The following ACACA variants were observed in gnomAD, a reference collection of about 807,000 sequenced individuals.
ACACA encodes acetyl-CoA carboxylase 1.
In ACACA, 103 loss-of-function variants were observed where a neutral mutation model predicts 296.1. That is an observed-to-expected ratio of 0.35 (90% CI 0.30 to 0.41). ACACA has a LOEUF of 0.41. Ranked by LOEUF, ACACA falls within the 10% of genes least tolerant of loss-of-function variation. The pLI is 1.00. For synonymous variants in ACACA, 953 were observed against 1,038.6 expected, an observed-to-expected ratio of 0.92 and a Z score of 1.58; for missense variants, 1,554 against 2,989.7, an observed-to-expected ratio of 0.52 and a Z score of 11.20.
chr17:37,145,043 T>G (rs572533963), intron 45 of ACACA, among the ~76,000 whole-genome samples: 4 of 152,172 alleles, frequency 2.6e-5, no homozygotes, highest in Non-Finnish European at 5.9e-5. Context: ...TAGGCTCCAG[T>G]ACACATCAGT....
At chr17:37,275,495 C>CA (rs34064045) in intron 8 of ACACA, among the ~76,000 whole-genome samples, 22,689 of 60,996 alleles carry the variant, frequency 0.37, 3,432 homozygotes, top group African/African-American at 0.45. Flanking sequence ...GACTCCAACT[C>CA]AAAAAAAAAA....
chr17:37,344,118 AT>A (rs2048508990), intron 1 of ACACA, among the ~76,000 whole-genome samples: 1 of 151,738 alleles, frequency 6.6e-6, no homozygotes, highest in East Asian at 1.9e-4. Flanking sequence ...AAATTTAAAA[AT>A]TTTTTTAAAA....
intron 18 of ACACA, among the ~76,000 whole-genome samples, chr17:37,247,619 G>A (rs1460828905): frequency 1.3e-5 from 2 of 152,014 alleles, no homozygotes; most frequent in Non-Finnish European, 2.9e-5. Flanking sequence ...CACCTGCCTC[G>A]GCCTCCCAAA....
rs1248837134 is a variant in ACACA at position 37,260,280 on chromosome 17, ATATATATATATATATATTTTT to A, written c.1330-771_1330-751del. Among the ~76,000 whole-genome samples, 37 of 32,412 alleles carry A rather than the reference ATATATATATATATATATTTTT, an allele frequency of 1.1e-3. 4 individuals are homozygous for A. The East Asian group carries it at 0.024, about 21-fold the overall frequency. 21.3% of individuals were successfully genotyped at this position (32,412 alleles called of 152,430 possible). On this transcript the variant is annotated intron_variant, in intron 11 of 55. Transcript: ENST00000616317. The stretch of plus-strand genomic sequence containing the variant: ...TATATATATATATATATATATATAT[ATATATATATATATATATTTTT>A]TTTTTTTTTTTTTTTGGAGATGGAG...
At chr17:37,099,334 G>C (rs1412544889) in intron 52 of ACACA, among the ~76,000 whole-genome samples, 1 of 152,140 alleles carries the variant, frequency 6.6e-6, no homozygotes, top group Admixed American at 6.6e-5. Flanking sequence ...TTTAGGCCCC[G>C]GCGCCTCAGT....
At chr17:37,334,704 C>T (rs565272519) in intron 2 of ACACA, among the ~76,000 whole-genome samples, 26 of 152,120 alleles carry the variant, frequency 1.7e-4, no homozygotes, top group Admixed American at 9.8e-4. Context: ...TTACTGTTCT[C>T]TTACCCCCTT....
At chr17:37,386,157 C>A in intron 1 of ACACA, 3 of 1,377,994 alleles carry the variant, frequency 2.2e-6, no homozygotes, top group South Asian at 1.3e-5. Context: ...TGACAAAGTA[C>A]AGAATAAGTA....
chr17:37,186,488 T>A (rs1270027822), intron 39 of ACACA, among the ~76,000 whole-genome samples: 1 of 152,200 alleles, frequency 6.6e-6, no homozygotes, highest in African/African-American at 2.4e-5. Context: ...CTGTATTAAC[T>A]TCATACAATG....
intron 3 of ACACA, among the ~76,000 whole-genome samples, chr17:37,305,562 A>G (rs1364741924): frequency 6.6e-6 from 1 of 152,172 alleles, no homozygotes; most frequent in Non-Finnish European, 1.5e-5. Flanking sequence ...CCTAGCTGTT[A>G]CTTTCCGTTG....
chr17:37,187,817 CACTAT>C (rs1282187209), intron 39 of ACACA, among the ~76,000 whole-genome samples: 12 of 152,148 alleles, frequency 7.9e-5, no homozygotes, highest in African/African-American at 1.2e-4. Flanking sequence ...GTGCTCATGC[CACTAT>C]ACTATGTTGA....
At chr17:37,093,367 C>A (rs1282027848) in intron 54 of ACACA, among the ~76,000 whole-genome samples, 3 of 152,154 alleles carry the variant, frequency 2.0e-5, no homozygotes, top group Non-Finnish European at 1.5e-5. Context: ...CAGGAGTCAG[C>A]CCCCTTTCCG....
chr17:37,243,605 C>A, intron 21 of ACACA, 46 bp from the exon 22 acceptor site: 9 of 1,582,460 alleles, frequency 5.7e-6, no homozygotes, highest in Non-Finnish European at 7.8e-6. Context: ...TAACACAATC[C>A]CCCAAATAAA....
rs563252326 is a variant in ACACA at position 37,113,891 on chromosome 17, G to A, written c.6275-626C>T. Among the ~76,000 whole-genome samples the A allele has an allele frequency of 2.0e-5, 3 of 152,284 alleles. No homozygotes were observed. The East Asian group carries it at 5.8e-4, about 29-fold the overall frequency. On this transcript the variant is annotated intron_variant, in intron 50 of 55. Transcript: ENST00000616317. This position sits in a 1 kb window ranked among gnomAD's most constrained non-coding sequence, Gnocchi z 4.0. ...TGGAAAGAATATAATGAGAAAGAAA[G>A]ACAAATTCTTTAACAGTTGCATTTT...
chr17:37,210,419 GT>G, intron 30 of ACACA, 47 bp downstream of exon 30: 1 of 1,552,198 alleles, frequency 6.4e-7, no homozygotes, highest in Non-Finnish European at 8.9e-7. Flanking sequence ...ACTATTCTAA[GT>G]TACATAAAGG....
At chr17:37,211,312 T>C (rs1199788915) in intron 29 of ACACA, among the ~76,000 whole-genome samples, 1 of 152,186 alleles carries the variant, frequency 6.6e-6, no homozygotes, top group African/African-American at 2.4e-5. Context: ...AACTTCCTTA[T>C]AAAGAATGTG....
chr17:37,318,260 T>C (rs1328054204), intron 3 of ACACA, among the ~76,000 whole-genome samples: 1 of 152,178 alleles, frequency 6.6e-6, no homozygotes, highest in Non-Finnish European at 1.5e-5. Context: ...GTTTTTGAGA[T>C]GGAGTCTTGC....
chr17:37,282,534 T>A (rs1453199924), intron 5 of ACACA, among the ~76,000 whole-genome samples: 3 of 152,210 alleles, frequency 2.0e-5, no homozygotes, highest in African/African-American at 7.2e-5. Context: ...TTAGGAATAA[T>A]CATAATACCA....
chr17:37,292,120 A>C (rs1021598558), intron 3 of ACACA, among the ~76,000 whole-genome samples: 4 of 152,154 alleles, frequency 2.6e-5, no homozygotes, highest in African/African-American at 9.7e-5. Flanking sequence ...AAGGGATAAT[A>C]GGTAATTTTA....
intron 41 of ACACA, among the ~76,000 whole-genome samples, chr17:37,177,505 A>G (rs919268796): frequency 1.3e-5 from 2 of 152,188 alleles, no homozygotes; most frequent in African/African-American, 4.8e-5. Context: ...AAGAAAGATC[A>G]TGGCAAGGGG....
Sources: allele counts gnomAD v4.1 joint callset (sites outside exome capture counted in the v4.1 genomes callset), GRCh38; gene constraint gnomAD v4.1.1; non-coding constraint Gnocchi (gnomAD v3.1); transcripts MANE v1.5; gene names NCBI Gene and HGNC (gene_info 2026-07-23, HGNC 2026-07-21).